The following CEP63 variants were observed in gnomAD, a reference collection of about 807,000 sequenced individuals.
CEP63 encodes the protein centrosomal protein 63, also known as centrosomal protein of 63 kDa.
CEP63 carries 84 observed loss-of-function variants against 89.1 expected under a neutral mutation model. The ratio of observed to expected loss-of-function variants is 0.94; its 90% confidence interval spans 0.79 to 1.13. CEP63 has a LOEUF of 1.13. Ranked by LOEUF, CEP63 falls within the 50% of genes most tolerant of loss-of-function variation. CEP63 has a pLI of 0.00. For synonymous variants in CEP63, 267 were observed against 272.5 expected (o/e 0.98, Z 0.20); for missense variants, 838 against 813.3 (o/e 1.03, Z -0.37).
At chr3:134,650,858 C>T in the CEP63 span, 1 of 1,609,290 alleles carries the variant, frequency 6.2e-7, no homozygotes. Flanking sequence ...CTCGGGTTCG[C>T]CTGCTGGTCT....
downstream of CEP63, among the ~76,000 whole-genome samples, chr3:134,578,721 G>T (rs748943789): frequency 6.6e-6 from 1 of 152,124 alleles, no homozygotes; most frequent in African/African-American, 2.4e-5. Flanking sequence ...CTTTTGAGAA[G>T]TGTCTGTTCA....
At chr3:134,590,775 A>G (rs752153008), downstream of CEP63, among the ~76,000 whole-genome samples, 76 of 152,248 alleles carry the variant, frequency 5.0e-4, no homozygotes, top group Non-Finnish European at 9.6e-4. Context: ...ATGGTCCTCC[A>G]AAGTCCTTAA....
downstream of CEP63, among the ~76,000 whole-genome samples, chr3:134,566,083 A>C (rs557629438): frequency 6.6e-6 from 1 of 152,028 alleles, no homozygotes; most frequent in Admixed American, 6.6e-5. Context: ...TGTAAAAGCT[A>C]TTTCTCCGCA....
intron 2 of CEP63, among the ~76,000 whole-genome samples, chr3:134,503,100 C>CTTTT (rs34673408): frequency 3.6e-4 from 33 of 92,028 alleles, no homozygotes; most frequent in South Asian, 8.7e-4. Context: ...TGATTTCAAT[C>CTTTT]TTTTTTTTTT....
the CEP63 span, among the ~76,000 whole-genome samples, chr3:134,680,643 G>A: frequency 2.6e-5 from 4 of 152,120 alleles, no homozygotes; most frequent in African/African-American, 7.2e-5. Flanking sequence ...GAAGCATACA[G>A]GTTTTAGTTT....
the CEP63 span, among the ~76,000 whole-genome samples, chr3:134,717,172 G>A: frequency 2.6e-5 from 4 of 152,186 alleles, no homozygotes; most frequent in African/African-American, 9.6e-5. Flanking sequence ...GTGGAGATTC[G>A]AACACGTGAA....
At chr3:134,692,967 A>T in the CEP63 span, among the ~76,000 whole-genome samples, 47 of 151,954 alleles carry the variant, frequency 3.1e-4, no homozygotes, top group African/African-American at 1.0e-3. Flanking sequence ...CATTTTCCAT[A>T]CCCTTCAATA....
At chr3:134,680,949 A>G in the CEP63 span, among the ~76,000 whole-genome samples, 1 of 152,214 alleles carries the variant, frequency 6.6e-6, no homozygotes, top group Non-Finnish European at 1.5e-5. Flanking sequence ...CTGGCAGCTG[A>G]GCCCAGAGGA....
chr3:134,547,225 G>A (rs1443850870), intron 8 of CEP63, 110 bp from the exon 9 acceptor site: 3 of 950,942 alleles, frequency 3.2e-6, no homozygotes, highest in Non-Finnish European at 5.0e-6. Context: ...AGACAAACTT[G>A]AAGAGTTCCA....
chr3:134,559,156 C>T lies in CEP63; in HGVS notation c.1680C>T (p.Thr560=). ...TTTCTAATCTACCATCCAGGCCAAC[C>T]CATGGCCAGCACAGACATGATGGAA... ...TEFKNTEFKP[T]HGQHRHDGIK... Residue 560 remains threonine, a synonymous_variant, in exon 14 of 15, where the codon ACC becomes ACT. Transcript: ENST00000675561. 1 of 1,613,866 alleles carries T rather than the reference C, an allele frequency of 6.2e-7. No individual in the cohort carries two copies. The highest frequency in any genetic ancestry group is 8.5e-7 in the Non-Finnish European group (1 of 1,179,902).
chr3:134,738,020 A>G, the CEP63 span, among the ~76,000 whole-genome samples: 43 of 152,314 alleles, frequency 2.8e-4, no homozygotes, highest in Admixed American at 2.6e-4. Flanking sequence ...AATGAGAGCA[A>G]GAATGCTGGG....
chr3:134,686,570 C>T, the CEP63 span, among the ~76,000 whole-genome samples: 1 of 151,786 alleles, frequency 6.6e-6, no homozygotes. Flanking sequence ...TTATCCTGAT[C>T]CTCCACTGTC....
At chr3:134,552,158 C>T in intron 12 of CEP63, 146 bp downstream of exon 12, 1 of 515,032 alleles carries the variant, frequency 1.9e-6, no homozygotes, top group Admixed American at 3.4e-5. Context: ...TAAAACAATA[C>T]TGGAAGTGAG....
chr3:134,764,844 A>G, the CEP63 span, among the ~76,000 whole-genome samples: 3 of 152,236 alleles, frequency 2.0e-5, no homozygotes, highest in African/African-American at 4.8e-5. Flanking sequence ...TACAGCCCCC[A>G]GGAGAGTAAA....
chr3:134,625,300 G>A, the CEP63 span, among the ~76,000 whole-genome samples: 1 of 152,186 alleles, frequency 6.6e-6, no homozygotes, highest in African/African-American at 2.4e-5. Flanking sequence ...TTCCTAGAAG[G>A]GTCCCCTGAT....
At chr3:134,583,572 G>T (rs567211635) in intron 10 of CEP63, among the ~76,000 whole-genome samples, 1 of 152,162 alleles carries the variant, frequency 6.6e-6, no homozygotes, top group South Asian at 2.1e-4. Context: ...ATGCTGTTTT[G>T]GTTACTGTAG....
At chr3:134,647,247 G>T in the CEP63 span, among the ~76,000 whole-genome samples, 1 of 152,194 alleles carries the variant, frequency 6.6e-6, no homozygotes, top group African/African-American at 2.4e-5. Context: ...GGAGAGCAGG[G>T]GACCTGACTC....
rs770406199 is a variant in CEP63, at chr3:134,507,304, T to G, written c.222+18T>G. ...ATAAGGAGGTAAAGCAATTTATTTG[T>G]TCTTCTTTTTGACATTTTTATCTTG... On this transcript the variant is annotated intron_variant, in intron 3 of 14. Transcript: ENST00000675561. The G allele has an allele frequency of 2.5e-6, 4 of 1,584,180 alleles. No homozygotes were observed. The Admixed American group carries it at 5.1e-5, about 20-fold the overall frequency.
At chr3:134,492,070 C>CTT (rs74269453) in intron 1 of CEP63, among the ~76,000 whole-genome samples, 3,112 of 103,608 alleles carry the variant, frequency 0.03, 173 homozygotes, top group South Asian at 0.082. Flanking sequence ...TATTTGTATT[C>CTT]TTTTTTTTTT....
Sources: allele counts gnomAD v4.1 joint callset (sites outside exome capture counted in the v4.1 genomes callset), GRCh38; gene constraint gnomAD v4.1.1; transcripts MANE v1.5; gene names NCBI Gene and HGNC (gene_info 2026-07-23, HGNC 2026-07-21).